The following CSMD3 variants were observed in gnomAD, a reference collection of about 807,000 sequenced individuals.
CSMD3 encodes the protein CUB and sushi domain-containing protein 3.
Under a neutral mutation model 435.2 loss-of-function variants are expected in CSMD3, and 177 were observed. The ratio of observed to expected loss-of-function variants is 0.41; its 90% CI spans 0.36 to 0.46. CSMD3 has a LOEUF of 0.46. Among genes scored for constraint, CSMD3 ranks in the 20% least tolerant of loss-of-function variants. CSMD3 has a pLI of 0.34. For synonymous variants in CSMD3, 1,656 were observed against 1,520.5 expected (o/e 1.09, Z -2.07); for missense variants, 4,265 against 4,504.6 (o/e 0.95, Z 1.52).
chr8:112,290,156 G>A (rs1198417011), intron 56 of CSMD3, among the ~76,000 whole-genome samples: 1 of 152,012 alleles, frequency 6.6e-6, no homozygotes, highest in African/African-American at 2.4e-5. Context: ...AGAATCAAAA[G>A]TCAATACATT....
chr8:112,647,800 T>C (rs1042468976), intron 19 of CSMD3, among the ~76,000 whole-genome samples: 2 of 152,216 alleles, frequency 1.3e-5, no homozygotes, highest in African/African-American at 2.4e-5. Context: ...AATGAGATTA[T>C]TTTACATTGC....
At chr8:112,353,191 G>T (rs1826293582) in intron 38 of CSMD3, among the ~76,000 whole-genome samples, 1 of 152,122 alleles carries the variant, frequency 6.6e-6, no homozygotes, top group African/African-American at 2.4e-5. Flanking sequence ...AGGAGTTTGA[G>T]ACCAGCCTGG....
At chr8:112,697,234 C>A (rs1394897284) in intron 13 of CSMD3, among the ~76,000 whole-genome samples, 1 of 152,170 alleles carries the variant, frequency 6.6e-6, no homozygotes, top group Non-Finnish European at 1.5e-5. Context: ...TGGGTATATA[C>A]CCAAAGGATT....
intron 11 of CSMD3, among the ~76,000 whole-genome samples, chr8:112,830,489 T>C (rs958357355): frequency 3.9e-5 from 6 of 152,070 alleles, no homozygotes; most frequent in Non-Finnish European, 8.8e-5. Context: ...TTTAATTAAA[T>C]TGCAATTTTA....
At chr8:112,979,844 G>A (rs1233807819) in intron 6 of CSMD3, among the ~76,000 whole-genome samples, 3 of 150,716 alleles carry the variant, frequency 2.0e-5, no homozygotes, top group Non-Finnish European at 4.5e-5. Context: ...AAAATAAGAC[G>A]TTCACAATAT....
At chr8:112,946,429 A>G (rs2083612357) in intron 9 of CSMD3, among the ~76,000 whole-genome samples, 1 of 151,736 alleles carries the variant, frequency 6.6e-6, no homozygotes, top group African/African-American at 2.4e-5. Flanking sequence ...TATAGTGATT[A>G]AAACGTCAGG....
At position 112,314,559 on chromosome 8, in the gene CSMD3, T is replaced by C; in HGVS notation, c.7419A>G (p.Gly2473=). 1 of 1,612,480 alleles carries C rather than the reference T, an allele frequency of 6.2e-7. No individual in the cohort carries two copies. Among genetic ancestry groups the C allele is most frequent in the Non-Finnish European group, 8.5e-7 (1 of 1,178,664 alleles). The change falls in exon 48 of 71, where the codon GGA becomes GGG. Residue 2473 remains glycine, a synonymous_variant. Transcript: ENST00000297405. The part of the protein sequence containing the change: ...LDSTGVILSP[G]YPDSYPNLQM... ...GAAGATTTGGGTAACTGTCAGGATA[T>C]CCAGGGCTCAATATGACTCCAGTAG...
At chr8:112,273,935 CAA>C (rs76030401) in intron 59 of CSMD3, among the ~76,000 whole-genome samples, 30 of 79,276 alleles carry the variant, frequency 3.8e-4, no homozygotes, top group Admixed American at 2.1e-3. Context: ...AGGTAACATA[CAA>C]AAAAAAAAAA....
intron 7 of CSMD3, among the ~76,000 whole-genome samples, chr8:112,957,591 T>A (rs2084071689): frequency 6.6e-6 from 1 of 151,252 alleles, no homozygotes; most frequent in Non-Finnish European, 1.5e-5. Context: ...GTAGCTGGGA[T>A]TACAGGCGTG....
intron 35 of CSMD3, among the ~76,000 whole-genome samples, chr8:112,392,230 C>G (rs1393765436): frequency 7.0e-6 from 1 of 142,750 alleles, no homozygotes; most frequent in Non-Finnish European, 1.5e-5. Flanking sequence ...AAGAACATAT[C>G]TTTTGTAATA....
In CSMD3 at chr8:113,173,731, T is replaced by G. The variant is rs1417974715; in HGVS notation, c.700A>C (p.Ile234Leu). 6.2e-7 allele frequency: 1 copy of G among 1,611,152 alleles called. No individual in the cohort carries two copies. The highest frequency in any genetic ancestry group is 2.2e-5 in the East Asian group (1 of 44,784). ...AGTGTTTTCATTTTACCTCTACAGA[T>G]AGGAACAGGAAAATCCCACGAAGCT... ...NTASWDFPVPICRAEDACGGT... is the reference protein window; with the variant it reads ...NTASWDFPVPLCRAEDACGGT... Residue 234 changes from isoleucine to leucine, a missense_variant, in exon 4 of 71, where the codon ATC becomes CTC. Around this residue, in one of 3 missense-constraint regions of CSMD3, gnomAD observed 731 missense variants for 755.4 expected, o/e 0.97. Transcript: ENST00000297405.
chr8:112,543,264 T>C (rs1826851796), intron 27 of CSMD3, among the ~76,000 whole-genome samples: 1 of 152,078 alleles, frequency 6.6e-6, no homozygotes, highest in Non-Finnish European at 1.5e-5. Flanking sequence ...CAGGAATACA[T>C]CCAACTTAAA....
intron 32 of CSMD3, among the ~76,000 whole-genome samples, chr8:112,450,377 A>G (rs1478423579): frequency 6.6e-6 from 1 of 152,226 alleles, no homozygotes; most frequent in East Asian, 1.9e-4. Context: ...GATCCACCAG[A>G]AAATAGGGGT....
At chr8:112,603,079 T>C (rs1204813079) in intron 22 of CSMD3, among the ~76,000 whole-genome samples, 1 of 152,228 alleles carries the variant, frequency 6.6e-6, no homozygotes, top group African/African-American at 2.4e-5. Flanking sequence ...GCTTTTACCA[T>C]GTTGGCCAGG....
In CSMD3 at chr8:112,237,275, C is replaced by G. The variant is rs2129991503; in HGVS notation, c.10542G>C (p.Met3514Ile). The change falls in exon 67 of 71, where the codon ATG becomes ATC. Residue 3514 changes from methionine (M) to isoleucine (I), a missense_variant. Transcript: ENST00000297405. ...CATTGAAACTAGTAACTGTTAAGGT[C>G]ATGGGTTGTTTCCTTCCTTTGAAAT... ...SYNFKGRKQP[M>I]TLTVTSFNAS... is the part of the protein sequence containing the mutation. The G allele has an allele frequency of 6.2e-7, 1 of 1,613,416 alleles. No individual in the cohort carries two copies. The highest frequency in any genetic ancestry group is 8.5e-7 in the Non-Finnish European group (1 of 1,179,508).
At chr8:112,933,605 C>T (rs774563916) in intron 9 of CSMD3, among the ~76,000 whole-genome samples, 8 of 152,034 alleles carry the variant, frequency 5.3e-5, no homozygotes, top group South Asian at 4.1e-4. Flanking sequence ...TTCTATATAA[C>T]GATTTCTGAA....
chr8:113,176,889 C>T (rs1713552385), intron 3 of CSMD3, among the ~76,000 whole-genome samples: 1 of 149,006 alleles, frequency 6.7e-6, no homozygotes, highest in Admixed American at 6.7e-5. Context: ...GGACATATAC[C>T]CAAACTTAAA....
At chr8:113,221,261 T>C (rs2092962801) in intron 3 of CSMD3, among the ~76,000 whole-genome samples, 1 of 151,298 alleles carries the variant, frequency 6.6e-6, no homozygotes, top group Admixed American at 6.6e-5. Flanking sequence ...AAAATGTCCC[T>C]AAGAAAATTC....
chr8:113,323,672 T>G (rs141141934), intron 1 of CSMD3, among the ~76,000 whole-genome samples: 1 of 152,330 alleles, frequency 6.6e-6, no homozygotes, highest in African/African-American at 2.4e-5. Flanking sequence ...ACAACATAAA[T>G]TTTATTCACA....
Sources: gnomAD v4.1 joint callset for allele counts (sites outside exome capture counted in the v4.1 genomes callset) on GRCh38, gnomAD v4.1.1 for gene constraint, gnomAD v4.1.1 regional missense constraint, MANE v1.5 for transcripts, NCBI Gene and HGNC (gene_info 2026-07-23, HGNC 2026-07-21) for gene names.